Variants in GDF5 observed in about 807,000 individuals in gnomAD.
GDF5 encodes growth/differentiation factor 5.
GDF5 carries 17 observed loss-of-function variants against 34.6 expected under a neutral mutation model. The observed-to-expected ratio is 0.49, with a 90% CI of 0.34 to 0.74. GDF5 has a LOEUF of 0.74. GDF5 is among the 30% of genes least tolerant of loss of function. The pLI is 0.01. For synonymous variants in GDF5, 332 were observed against 290.7 expected (o/e 1.14, Z -1.44); for missense variants, 616 against 661.2 (o/e 0.93, Z 0.75).
chr20:35,451,316 G>C (rs2062532814), intron 1 of GDF5, among the ~76,000 whole-genome samples: 1 of 151,702 alleles, frequency 6.6e-6, no homozygotes, highest in Non-Finnish European at 1.5e-5. Flanking sequence ...GGATATAAAG[G>C]AAGAAACCGT....
intron 1 of GDF5, among the ~76,000 whole-genome samples, chr20:35,436,008 G>T (rs2062471237): frequency 6.6e-6 from 1 of 152,110 alleles, no homozygotes; most frequent in South Asian, 2.1e-4. Flanking sequence ...GAGTCAGCAT[G>T]CATGTACATG....
At chr20:35,449,990 T>C (rs1174011351) in intron 1 of GDF5, among the ~76,000 whole-genome samples, 1 of 135,814 alleles carries the variant, frequency 7.4e-6, no homozygotes, top group Non-Finnish European at 1.6e-5. Flanking sequence ...CCCTGTCTCT[T>C]AAAAAAAAAA....
At chr20:35,450,762 T>G (rs2146591766) in intron 1 of GDF5, among the ~76,000 whole-genome samples, 1 of 152,068 alleles carries the variant, frequency 6.6e-6, no homozygotes, top group South Asian at 2.1e-4. Flanking sequence ...TCAGCAGGCT[T>G]GTCTCTTCTT....
rs1434448992 is a variant in GDF5 at position 35,446,089 on chromosome 20, C to T, written c.-397-4702G>A. ...TCGGGAGGCTGAGGTGGGCAGATTA[C>T]CTGAGGTCAGGAGTTTGAGACCAGC... On this transcript the variant is annotated intron_variant, in intron 1 of 3. Transcript: ENST00000374372. 2.0e-5 allele frequency among the ~76,000 whole-genome samples: 3 copies of T among 152,074 alleles called. No individual in the cohort carries two copies. In the East Asian group the frequency reaches 5.8e-4, roughly 29 times the overall value.
intron 1 of GDF5, among the ~76,000 whole-genome samples, chr20:35,446,423 T>C (rs918137459): frequency 2.0e-5 from 3 of 151,500 alleles, no homozygotes; most frequent in Admixed American, 6.6e-5. Context: ...TCATAAATTA[T>C]AATTTTATTT....
chr20:35,439,037 G>A (rs1178710909), upstream of GDF5, among the ~76,000 whole-genome samples: 2 of 151,766 alleles, frequency 1.3e-5, no homozygotes, highest in African/African-American at 4.8e-5. Context: ...ACCCCCAAAT[G>A]CCATTGACTG....
At chr20:35,438,358 T>TCTCACACACA (rs1555823628), upstream of GDF5, 10 of 160,018 alleles carry the variant, frequency 6.2e-5, no homozygotes, top group South Asian at 1.2e-3. Context: ...TGAAAATACT[T>TCTCACACACA]CACACACACA....
chr20:35,434,661 G>A lies in GDF5; in HGVS notation c.754C>T (p.Pro252Ser). 1.9e-6 allele frequency: 3 copies of A among 1,611,776 alleles called. No individual in the cohort carries two copies. Among genetic ancestry groups the A allele is most frequent in the Non-Finnish European group, 2.5e-6 (3 of 1,178,584 alleles). Residue 252 changes from proline to serine, a missense_variant, in exon 2 of 2, where the codon CCA (proline) becomes TCA (serine). Transcript: ENST00000374369. ...GCCCGCCCGCCTCCGGGGGCCGCTG[G>A]CTTGGCCGTGTCCGAGGGCTTCTTC... ...LRKKPSDTAK[P>S]AAPGGGRAAQ...
intron 1 of GDF5, among the ~76,000 whole-genome samples, chr20:35,448,014 G>A (rs2062519128): frequency 6.6e-6 from 1 of 152,014 alleles, no homozygotes; most frequent in African/African-American, 2.4e-5. Context: ...AAATATATTT[G>A]ATTATAAAAT....
chr20:35,454,179 C>A (rs1214312018), intron 1 of GDF5: 2 of 373,876 alleles, frequency 5.3e-6, no homozygotes, highest in Non-Finnish European at 1.1e-5. Context: ...CAAGGCCGGG[C>A]GCGGTGGCTC....
chr20:35,433,660 C>G lies in GDF5; in HGVS notation c.*249G>C. On this transcript the variant is annotated 3_prime_UTR_variant, in exon 2 of 2. Coordinates refer to ENST00000374369, the MANE Select transcript of GDF5 (RefSeq NM_000557.5). ...GGACTCAGTCCCATTCAGAGTCTGT[C>G]TCCCTGGACCTGTGCCTGCCACTGG... 1 of 560,612 alleles carries G rather than the reference C, an allele frequency of 1.8e-6. No homozygotes were observed. Among genetic ancestry groups the G allele is most frequent in the Non-Finnish European group, 3.2e-6 (1 of 308,948 alleles). The allele number at this position is 560,612 out of a possible 1,614,324, so 34.7% of individuals were successfully genotyped here. A position where few individuals can be genotyped will look rare whatever the true frequency, so the allele number is the denominator to read the frequency against.
At position 35,438,131 on chromosome 20, in the gene GDF5, T is replaced by C. The variant is rs1246897416; in HGVS notation, c.-203A>G. 1.6e-6 allele frequency: 1 copy of C among 628,878 alleles called. No individual in the cohort carries two copies. The highest frequency in any genetic ancestry group is 2.8e-6 in the Non-Finnish European group (1 of 355,328). The allele number at this position is 628,878 out of a possible 1,614,324, so 39.0% of individuals were successfully genotyped here. A position where few individuals can be genotyped will look rare whatever the true frequency, so the allele number is the denominator to read the frequency against. ...TTTGTATCCAGTCCCATAGTGGAAA[T>C]GCTCTCGTATCCAGACGTGCACCGT... On this transcript the variant is annotated 5_prime_UTR_variant, in exon 1 of 2. Transcript: ENST00000374369.
At chr20:35,454,658 C>T (rs2062561282) in exon 1 of GDF5, 1 of 152,246 alleles carries the variant, frequency 6.6e-6, no homozygotes, top group Non-Finnish European at 1.5e-5. Flanking sequence ...GTTATGCTGC[C>T]TGAAGCTTCT....
rs547756463 is a variant in GDF5, at chr20:35,433,699, C to T, written c.*210G>A. The stretch of plus-strand genomic sequence containing the variant: ...GCCTGCCACTGGTCACATCAGCAGA[C>T]GGGCAGCAATCCTCAGCCAGGGGAA... On this transcript the variant is annotated 3_prime_UTR_variant, in exon 2 of 2. Coordinates refer to ENST00000374369, the MANE Select transcript of GDF5 (RefSeq NM_000557.5). 3.2e-5 allele frequency: 20 copies of T among 633,884 alleles called. No individual in the cohort carries two copies. The highest frequency in any genetic ancestry group is 2.8e-4 in the East Asian group (10 of 35,182). 39.3% of individuals were successfully genotyped at this position (633,884 alleles called of 1,614,324 possible).
In GDF5 at chr20:35,437,471, C is replaced by T. The variant is rs2062477884; in HGVS notation, c.458G>A (p.Gly153Glu). 4.3e-6 allele frequency: 7 copies of T among 1,614,092 alleles called. No homozygotes were observed. In the South Asian group the frequency reaches 5.5e-5, roughly 13 times the overall value. ...SFLLKKAREP[G>E]PPREPKEPFR... The stretch of plus-strand genomic sequence containing the variant: ...CGGCTCCTTGGGCTCTCGTGGGGGC[C>T]CGGGCTCCCTGGCCTTCTTCAGCAG... The change falls in exon 1 of 2, where the codon GGG becomes GAG. Residue 153 changes from glycine to glutamate, a missense_variant. Gly to Glu is a moderately conservative substitution (Grantham distance 98, BLOSUM62 -2). Coordinates refer to ENST00000374369, the MANE Select transcript of GDF5 (RefSeq NM_000557.5).
chr20:35,434,303 T>C lies in GDF5; in HGVS notation c.1112A>G (p.Glu371Gly). ...TTTTCGCCGCTGGCTGAACAGGTAC[T>C]CATACACGGTCTTATCGTCCTGGCC... ...RSGQDDKTVY[E>G]YLFSQRRKRR... The change falls in exon 2 of 2, where the codon GAG becomes GGG. Residue 371 changes from glutamate to glycine, a missense_variant. By Grantham distance (98) the Glu-to-Gly change is moderately conservative (BLOSUM62 -2). Coordinates refer to ENST00000374369, the MANE Select transcript of GDF5 (RefSeq NM_000557.5). 1 of 1,614,106 alleles carries C rather than the reference T, an allele frequency of 6.2e-7. No homozygotes were observed. The highest frequency in any genetic ancestry group is 8.5e-7 in the Non-Finnish European group (1 of 1,180,024).
chr20:35,450,034 G>A (rs1465559495), intron 1 of GDF5, among the ~76,000 whole-genome samples: 2 of 150,176 alleles, frequency 1.3e-5, no homozygotes, highest in Non-Finnish European at 3.0e-5. Context: ...CGGGCGTCGC[G>A]GCTCACGCCT....
chr20:35,433,604 G>A lies in GDF5; in HGVS notation c.*305C>T. ...AGGCCCAGGTGAGGAGAAATGGTGG[G>A]CTGAGTCTCATCGGAAAGCACTGTT... On this transcript the variant is annotated 3_prime_UTR_variant, in exon 2 of 2. Transcript: ENST00000374369. The A allele has an allele frequency of 2.3e-6, 1 of 431,794 alleles. No individual in the cohort carries two copies. Among genetic ancestry groups the A allele is most frequent in the Non-Finnish European group, 4.3e-6 (1 of 229,962 alleles). The allele number at this position is 431,794 out of a possible 1,614,324, so 26.7% of individuals were successfully genotyped here.
Position 35,433,799 on chromosome 20 carries a change from C to T in GDF5, c.*110G>A, listed in dbSNP as rs993996823. 5 of 940,002 alleles carry T rather than the reference C, an allele frequency of 5.3e-6. No individual in the cohort carries two copies. In the African/African-American group the frequency reaches 6.4e-5, roughly 12 times the overall value. The allele number at this position is 940,002 out of a possible 1,614,324, so 58.2% of individuals were successfully genotyped here. A position where few individuals can be genotyped will look rare whatever the true frequency, so the allele number is the denominator to read the frequency against. On this transcript the variant is annotated 3_prime_UTR_variant, in exon 2 of 2. Transcript: ENST00000374369. ...CAAGCTTATTGGAATCCCCTTTCAC[C>T]CAAGCTGTGTAGATGCTCCTGCCAC...
Sources: allele counts gnomAD v4.1 joint callset (sites outside exome capture counted in the v4.1 genomes callset), GRCh38; gene constraint gnomAD v4.1.1; transcripts MANE v1.5; gene names NCBI Gene and HGNC (gene_info 2026-07-23, HGNC 2026-07-21).